Variants in NLRP14 observed in about 807,000 individuals in gnomAD.
NLRP14 encodes the protein NACHT, LRR and PYD domains-containing protein 14.
Under a neutral mutation model 94.7 loss-of-function variants are expected in NLRP14, and 105 were observed. The observed-to-expected ratio is 1.11, with a 90% confidence interval of 0.95 to 1.30. The LOEUF (loss-of-function observed/expected upper bound fraction) is 1.30, where lower values mean the gene tolerates loss of function less well. NLRP14 is among the 50% of genes most tolerant of loss of function. NLRP14 has a pLI of 0.00. For missense variants in NLRP14, 1,362 were observed against 1,254.1 expected (o/e 1.09, Z -1.30); for synonymous variants, 508 against 459.9 (o/e 1.10, Z -1.34).
intron 5 of NLRP14, among the ~76,000 whole-genome samples, chr11:7,047,487 G>A (rs572856256): frequency 5.9e-5 from 9 of 151,512 alleles, no homozygotes; most frequent in African/African-American, 2.2e-4. Context: ...TTAATTTTTT[G>A]TAGAGATGTG....
the NLRP14 span, among the ~76,000 whole-genome samples, chr11:7,076,698 T>C: frequency 6.6e-6 from 1 of 152,068 alleles, no homozygotes; most frequent in Admixed American, 6.6e-5. Context: ...TTTTTTTTTC[T>C]ACCACTATCA....
At chr11:7,020,829 A>G (rs1851915274) in intron 1 of NLRP14, 59 bp downstream of exon 1, 1 of 152,570 alleles carries the variant, frequency 6.6e-6, no homozygotes, top group Admixed American at 6.5e-5. Context: ...TTCCTGGTCC[A>G]GTGAGGCTTT....
intron 10 of NLRP14, among the ~76,000 whole-genome samples, chr11:7,063,378 CT>C (rs1374913236): frequency 2.6e-5 from 4 of 152,002 alleles, no homozygotes; most frequent in African/African-American, 9.7e-5. Flanking sequence ...TCTCACAGGG[CT>C]GATGAAGAGG....
intron 3 of NLRP14, among the ~76,000 whole-genome samples, chr11:7,040,368 C>G (rs139066150): frequency 6.6e-6 from 1 of 152,188 alleles, no homozygotes; most frequent in South Asian, 2.1e-4. Flanking sequence ...CATAGGAGCA[C>G]GAACCCTATT....
At chr11:7,082,743 C>A in the NLRP14 span, among the ~76,000 whole-genome samples, 11 of 152,292 alleles carry the variant, frequency 7.2e-5, no homozygotes, top group African/African-American at 2.4e-4. Flanking sequence ...CTGTGCTGGT[C>A]TAATTGCAGG....
At chr11:7,026,657 T>A (rs570176429) in intron 1 of NLRP14, among the ~76,000 whole-genome samples, 5 of 152,016 alleles carry the variant, frequency 3.3e-5, no homozygotes, top group African/African-American at 9.7e-5. Context: ...CATTACTGGG[T>A]ATATACCCAA....
Position 7,042,982 on chromosome 11 carries a change from T to C in NLRP14, c.956T>C (p.Leu319Ser), listed in dbSNP as rs1852284858. The C allele has an allele frequency of 6.2e-7, 1 of 1,614,092 alleles. No individual in the cohort carries two copies. The highest frequency in any genetic ancestry group is 8.5e-7 in the Non-Finnish European group (1 of 1,180,002). Reference protein sequence around the residue: ...LTTSKRLKQLLKNHHYVELLG... With the variant: ...LTTSKRLKQLSKNHHYVELLG... ...ACTTCTAAGAGACTAAAGCAGTTGT[T>C]GAAGAATCACCATTATGTAGAGCTA... The change falls in exon 4 of 12, where the codon TTG becomes TCG. Residue 319 changes from leucine (L) to serine (S), a missense_variant. Coordinates refer to ENST00000299481, the MANE Select transcript of NLRP14 (RefSeq NM_176822.4).
At chr11:7,040,354 G>GTC (rs1310572897) in intron 3 of NLRP14, among the ~76,000 whole-genome samples, 2 of 152,204 alleles carry the variant, frequency 1.3e-5, no homozygotes, top group African/African-American at 2.4e-5. Flanking sequence ...AGCTGCTTTA[G>GTC]TCTCATAGGA....
At chr11:7,079,371 A>G in the NLRP14 span, among the ~76,000 whole-genome samples, 1 of 151,978 alleles carries the variant, frequency 6.6e-6, no homozygotes, top group African/African-American at 2.4e-5. Context: ...CAATATTCAC[A>G]CCTTCACTCG....
chr11:7,051,658 C>G (rs970766733), intron 6 of NLRP14, among the ~76,000 whole-genome samples: 1 of 152,130 alleles, frequency 6.6e-6, no homozygotes, highest in Non-Finnish European at 1.5e-5. Flanking sequence ...GTTCTGTCAC[C>G]CAGGCTGGAG....
At chr11:7,066,629 C>T (rs1852710799) in intron 10 of NLRP14, among the ~76,000 whole-genome samples, 1 of 152,148 alleles carries the variant, frequency 6.6e-6, no homozygotes, top group African/African-American at 2.4e-5. Context: ...AACTTTCTCC[C>T]ATTATGCAGG....
chr11:7,056,397 T>C (rs374447805), intron 6 of NLRP14, among the ~76,000 whole-genome samples: 6 of 151,632 alleles, frequency 4.0e-5, no homozygotes, highest in African/African-American at 1.2e-4. Context: ...TTCTGATTTG[T>C]AATGATCTCT....
At chr11:7,041,967 T>G (rs1852258530) in intron 3 of NLRP14, among the ~76,000 whole-genome samples, 1 of 152,032 alleles carries the variant, frequency 6.6e-6, no homozygotes, top group African/African-American at 2.4e-5. Flanking sequence ...TTTTGATCTG[T>G]AGATTCAGGT....
At chr11:7,066,276 A>G (rs889970226) in intron 10 of NLRP14, among the ~76,000 whole-genome samples, 4 of 152,240 alleles carry the variant, frequency 2.6e-5, no homozygotes, top group African/African-American at 9.6e-5. Context: ...TCCTTGAGGT[A>G]TCGCCACACT....
At chr11:7,038,452 G>C in intron 1 of NLRP14, 114 bp from the exon 2 acceptor site, 1 of 842,544 alleles carries the variant, frequency 1.2e-6, no homozygotes, top group Non-Finnish European at 1.9e-6. Flanking sequence ...AATACAGTGG[G>C]CTTCTGCAAA....
intron 3 of NLRP14, among the ~76,000 whole-genome samples, chr11:7,041,394 G>C (rs1852246573): frequency 6.6e-6 from 1 of 152,016 alleles, no homozygotes; most frequent in Admixed American, 6.5e-5. Flanking sequence ...GGTGTATATG[G>C]TACATGTTTT....
intron 10 of NLRP14, among the ~76,000 whole-genome samples, chr11:7,068,192 C>T (rs1306975713): frequency 6.6e-6 from 1 of 152,072 alleles, no homozygotes; most frequent in Non-Finnish European, 1.5e-5. Flanking sequence ...CATTGATCCA[C>T]TCTGTTGTAC....
downstream of NLRP14, among the ~76,000 whole-genome samples, chr11:7,075,390 T>C (rs1852863198): frequency 6.6e-6 from 1 of 152,224 alleles, no homozygotes; most frequent in South Asian, 2.1e-4. Flanking sequence ...AGGAGGAATA[T>C]TATAATTTAT....
At chr11:7,046,198 T>A (rs1244662004) in intron 4 of NLRP14, among the ~76,000 whole-genome samples, 1 of 152,182 alleles carries the variant, frequency 6.6e-6, no homozygotes, top group Non-Finnish European at 1.5e-5. Flanking sequence ...ATTTGCAAGT[T>A]ATAGAACTTA....
Sources: allele counts gnomAD v4.1 joint callset (sites outside exome capture counted in the v4.1 genomes callset), GRCh38; gene constraint gnomAD v4.1.1; transcripts MANE v1.5; gene names NCBI Gene and HGNC (gene_info 2026-07-23, HGNC 2026-07-21).